Variants in ACACA observed in about 807,000 individuals in gnomAD.
ACACA encodes the protein acetyl-CoA carboxylase 1.
Under a neutral mutation model 296.1 loss-of-function variants are expected in ACACA, and 103 were observed. The ratio of observed to expected loss-of-function variants is 0.35; its 90% confidence interval spans 0.30 to 0.41. The LOEUF (loss-of-function observed/expected upper bound fraction) is 0.41, where lower values mean the gene tolerates loss of function less well. ACACA is among the 10% of genes least tolerant of loss of function. The pLI, the probability that ACACA is intolerant of heterozygous loss-of-function variation, is 1.00. For synonymous variants in ACACA, 953 were observed against 1,038.6 expected, an observed-to-expected ratio of 0.92 and a Z score of 1.58; for missense variants, 1,554 against 2,989.7, an observed-to-expected ratio of 0.52 and a Z score of 11.20.
chr17:37,269,823 TA>T (rs1163714030), intron 10 of ACACA, among the ~76,000 whole-genome samples: 9 of 150,258 alleles, frequency 6.0e-5, no homozygotes, highest in Admixed American at 2.0e-4. Context: ...AAGTGCAAAG[TA>T]GAAGATGATG....
chr17:37,301,172 C>T (rs545689211), intron 3 of ACACA, among the ~76,000 whole-genome samples: 2 of 152,144 alleles, frequency 1.3e-5, no homozygotes, highest in Admixed American at 6.6e-5. Context: ...TTTCACCAAA[C>T]GGATCTTTCT....
chr17:37,305,904 G>GTT (rs200591761), intron 3 of ACACA, among the ~76,000 whole-genome samples: 233 of 95,774 alleles, frequency 2.4e-3, no homozygotes, highest in Middle Eastern at 6.9e-3. Context: ...TTTTTTTTTT[G>GTT]TTTTTTTTTT....
rs920119950 is a variant in ACACA, at chr17:37,379,438, A to G, written c.38+26824T>C. On this transcript the variant is annotated intron_variant, in intron 1 of 55. Transcript: ENST00000616317. ...ACTAACTTTTAGTTGACATCCTTGA[A>G]GGCAGCCAGAACTCCGTAGCAGGAA... 4 of 1,556,654 alleles carry G rather than the reference A, an allele frequency of 2.6e-6. No homozygotes were observed. In the African/African-American group the frequency reaches 5.5e-5, roughly 21 times the overall value.
chr17:37,272,213 G>A (rs994466223), intron 9 of ACACA, among the ~76,000 whole-genome samples: 13 of 151,988 alleles, frequency 8.6e-5, no homozygotes, highest in African/African-American at 2.2e-4. Context: ...GCATGGTGGC[G>A]GTAACCTGTA....
intron 3 of ACACA, among the ~76,000 whole-genome samples, chr17:37,297,515 G>T (rs2083405382): frequency 7.1e-6 from 1 of 141,308 alleles, no homozygotes; most frequent in African/African-American, 2.9e-5. Flanking sequence ...GTGTGTTTGT[G>T]TATGTATATG....
At chr17:37,261,770 A>T (rs981665067) in intron 11 of ACACA, among the ~76,000 whole-genome samples, 8 of 152,220 alleles carry the variant, frequency 5.3e-5, no homozygotes, top group Non-Finnish European at 1.0e-4. Flanking sequence ...GAATCATTGC[A>T]ATTCCTACCT....
chr17:37,302,884 A>G (rs537068920), intron 3 of ACACA, among the ~76,000 whole-genome samples: 1 of 152,338 alleles, frequency 6.6e-6, no homozygotes, highest in Non-Finnish European at 1.5e-5. Context: ...TAAAGGGTAC[A>G]ATTCAATAGT....
At chr17:37,132,656 C>A (rs561282437) in intron 45 of ACACA, among the ~76,000 whole-genome samples, 3 of 152,290 alleles carry the variant, frequency 2.0e-5, no homozygotes, top group East Asian at 1.9e-4. Context: ...GAGAGCTGGG[C>A]CATTTTCTAC....
At chr17:37,147,625 A>G (rs1170662975) in intron 45 of ACACA, among the ~76,000 whole-genome samples, 3 of 152,224 alleles carry the variant, frequency 2.0e-5, no homozygotes, top group African/African-American at 7.2e-5. Flanking sequence ...TCAGCAGCAC[A>G]GCTCTATACT....
chr17:37,308,765 C>G (rs2083995866), intron 3 of ACACA, among the ~76,000 whole-genome samples: 1 of 152,126 alleles, frequency 6.6e-6, no homozygotes. Context: ...TGGTGAAACA[C>G]TGCCTCTACT....
chr17:37,252,234 C>A (rs1250623501), intron 15 of ACACA, 126 bp from the exon 16 acceptor site: 2 of 762,250 alleles, frequency 2.6e-6, no homozygotes, highest in South Asian at 1.5e-5. Context: ...TTCTCACTGC[C>A]CAACTGATTT....
intron 52 of ACACA, among the ~76,000 whole-genome samples, chr17:37,101,559 T>C (rs2073362328): frequency 6.6e-6 from 1 of 152,210 alleles, no homozygotes; most frequent in Non-Finnish European, 1.5e-5. Flanking sequence ...TGCAGCAGTT[T>C]GGGTCCCAAA....
chr17:37,270,369 TATCAC>T (rs1289889202), intron 10 of ACACA, among the ~76,000 whole-genome samples: 1 of 152,130 alleles, frequency 6.6e-6, no homozygotes, highest in Non-Finnish European at 1.5e-5. Context: ...CATACCACCA[TATCAC>T]ATATGACCTA....
intron 1 of ACACA, among the ~76,000 whole-genome samples, chr17:37,396,987 A>C (rs1014532005): frequency 1.3e-5 from 2 of 152,104 alleles, no homozygotes; most frequent in South Asian, 2.1e-4. Flanking sequence ...TGCTGCACCC[A>C]TTAACTCGTC....
rs1304734471 is a variant in ACACA at position 37,181,206 on chromosome 17, G to A, written c.4927C>T (p.Arg1643Trp). The A allele has an allele frequency of 1.2e-6, 2 of 1,614,084 alleles. No individual in the cohort carries two copies. The highest frequency in any genetic ancestry group is 8.5e-7 in the Non-Finnish European group (1 of 1,179,984). Residue 1643 changes from arginine (R) to tryptophan (W), a missense_variant, in exon 40 of 56, where the codon CGG (arginine) becomes TGG (tryptophan). This residue lies in a region of ACACA where 553 missense variants were observed against 1,043.6 expected (regional missense o/e 0.53). Coordinates refer to ENST00000616317, the MANE Select transcript of ACACA (RefSeq NM_198834.3). Reference sequence around the variant, plus strand: ...CCTCCAGTTAGGCATCTTACCTGCCGAAACATCTCTGGGATATCATATATG... The same window carrying A: ...CCTCCAGTTAGGCATCTTACCTGCCAAAACATCTCTGGGATATCATATATG... ...TYIYDIPEMF[R>W]QSLIKLWESM...
intron 29 of ACACA, chr17:37,221,400 G>T (rs770730318): frequency 1.1e-4 from 41 of 375,966 alleles, no homozygotes; most frequent in Non-Finnish European, 2.0e-4. Flanking sequence ...TTGTTAAAAA[G>T]AGTGATTTTT....
intron 1 of ACACA, chr17:37,377,971 G>T (rs2050081868): frequency 6.2e-7 from 1 of 1,612,322 alleles, no homozygotes; most frequent in Non-Finnish European, 8.5e-7. Context: ...GCAAGGTAGG[G>T]AATGGGTCCT....
intron 1 of ACACA, among the ~76,000 whole-genome samples, chr17:37,345,057 G>A (rs998322123): frequency 3.9e-5 from 6 of 152,136 alleles, no homozygotes; most frequent in South Asian, 2.1e-4. Flanking sequence ...TTCCCTAATC[G>A]TCACCTTCCC....
intron 1 of ACACA, among the ~76,000 whole-genome samples, chr17:37,368,044 G>A (rs1164847605): frequency 6.6e-6 from 1 of 151,744 alleles, no homozygotes; most frequent in Non-Finnish European, 1.5e-5. Context: ...TCCAGCCTGG[G>A]CAAGACAGAG....
Sources: gnomAD v4.1 joint callset for allele counts (sites outside exome capture counted in the v4.1 genomes callset) on GRCh38, gnomAD v4.1.1 for gene constraint, gnomAD v4.1.1 regional missense constraint, MANE v1.5 for transcripts, NCBI Gene and HGNC (gene_info 2026-07-23, HGNC 2026-07-21) for gene names.